ALKBH3: variants seen among roughly 807,000 people sequenced by gnomAD.
ALKBH3 encodes alpha-ketoglutarate-dependent dioxygenase alkB homolog 3.
A neutral mutation model predicts 43.9 loss-of-function variants in ALKBH3; 51 were observed. The observed-to-expected ratio is 1.16, with a 90% CI of 0.93 to 1.47. ALKBH3 has a LOEUF of 1.47. Among genes scored for constraint, ALKBH3 ranks in the 40% most tolerant of loss-of-function variants. The pLI is 0.00. For synonymous variants in ALKBH3, 102 were observed against 115.2 expected, an observed-to-expected ratio of 0.89 and a Z score of 0.73; for missense variants, 361 against 351.9, an observed-to-expected ratio of 1.03 and a Z score of -0.21.
chr11:43,889,113 C>T (rs1390786420), intron 5 of ALKBH3, among the ~76,000 whole-genome samples: 1 of 152,138 alleles, frequency 6.6e-6, no homozygotes, highest in East Asian at 1.9e-4. Context: ...ACTGCAACCT[C>T]CACCCCCGGG....
chr11:43,892,144 T>G lies in ALKBH3; in HGVS notation c.459+15T>G. 1 of 1,580,752 alleles carries G rather than the reference T, an allele frequency of 6.3e-7. No homozygotes were observed. Among genetic ancestry groups the G allele is most frequent in the Non-Finnish European group, 8.7e-7 (1 of 1,149,654 alleles). On this transcript the variant is annotated intron_variant, in intron 7 of 9. Coordinates refer to ENST00000302708, the MANE Select transcript of ALKBH3 (RefSeq NM_139178.4). ...CAAATCCTCACGTATGTCAACATATTGTCATTGGTATGGTTTTATAGACTA... is the reference window on the plus strand; with the variant it reads ...CAAATCCTCACGTATGTCAACATATGGTCATTGGTATGGTTTTATAGACTA...
At chr11:43,906,339 T>A (rs1951895908) in intron 8 of ALKBH3, among the ~76,000 whole-genome samples, 1 of 152,212 alleles carries the variant, frequency 6.6e-6, no homozygotes, top group South Asian at 2.1e-4. Context: ...AATACTGATA[T>A]TTTTTGTAAG....
intron 4 of ALKBH3, among the ~76,000 whole-genome samples, chr11:43,884,877 G>A (rs1441035660): frequency 1.3e-5 from 2 of 150,916 alleles, no homozygotes; most frequent in Non-Finnish European, 3.0e-5. Flanking sequence ...TCAGCCTCCC[G>A]AGTAGCTGGG....
At chr11:43,881,407 G>A (rs1293259589) in intron 1 of ALKBH3, 1 of 152,228 alleles carries the variant, frequency 6.6e-6, no homozygotes, top group Non-Finnish European at 1.5e-5. Context: ...ATTGTTCCCT[G>A]GCAAATAACA....
rs770864815 is a variant in ALKBH3 at position 43,889,756 on chromosome 11, A to G, written c.298A>G (p.Lys100Glu). The change falls in exon 6 of 10, where the codon AAA becomes GAA. Residue 100 changes from lysine to glutamate, a missense_variant. Physicochemically the swap from Lys to Glu is moderately conservative, Grantham distance 56. Coordinates refer to ENST00000302708, the MANE Select transcript of ALKBH3 (RefSeq NM_139178.4). ...VCLYPGFVDV[K>E]EADWILEQLC... is the part of the protein sequence containing the mutation. ...TTTGTATCCTGGCTTTGTTGACGTG[A>G]AAGAAGCTGACTGGATATTGGAACA... The G allele has an allele frequency of 1.9e-6, 3 of 1,614,108 alleles. No homozygotes were observed. In the East Asian group the frequency reaches 6.7e-5, roughly 36 times the overall value.
At position 43,882,697 on chromosome 11, in the gene ALKBH3, TG is replaced by T; in HGVS notation, c.46del (p.Ala16ProfsTer47). 1 of 1,613,626 alleles carries T rather than the reference TG, an allele frequency of 6.2e-7. No homozygotes were observed. Among genetic ancestry groups the T allele is most frequent in the Non-Finnish European group, 8.5e-7 (1 of 1,179,842 alleles). ...GAGCCCGAGTTCAGGGAGCCTGGGCTGCCCCTGTTAAAAGCCAGGCCATTGC... is the reference window on the plus strand; with the variant it reads ...GAGCCCGAGTTCAGGGAGCCTGGGCTCCCCTGTTAAAAGCCAGGCCATTGC... Reference protein sequence around the residue: ...RRARVQGAWAAPVKSQAIAQP... With the variant: ...RRARVQGAWAXPVKSQAIAQP... On this transcript the variant is annotated frameshift_variant, in exon 2 of 10. Coordinates refer to ENST00000302708, the MANE Select transcript of ALKBH3 (RefSeq NM_139178.4). LOFTEE classifies it high-confidence loss of function.
intron 5 of ALKBH3, among the ~76,000 whole-genome samples, chr11:43,887,727 T>A (rs1289726874): frequency 6.6e-6 from 1 of 152,236 alleles, no homozygotes; most frequent in East Asian, 1.9e-4. Context: ...ATATTACATA[T>A]TGTAGATTAT....
Position 43,881,063 on chromosome 11 carries a change from A to G in ALKBH3, c.-187A>G. On this transcript the variant is annotated 5_prime_UTR_variant, in exon 1 of 10. Transcript: ENST00000302708. ...AAAGAGAAGGATCTAAATTAGGAAA[A>G]GGAAGTGCCCTTATCCACGACCAAG... 1 of 152,584 alleles carries G rather than the reference A, an allele frequency of 6.6e-6. No individual in the cohort carries two copies. 9.5% of individuals were successfully genotyped at this position (152,584 alleles called of 1,614,324 possible).
intron 5 of ALKBH3, 140 bp from the exon 6 acceptor site, chr11:43,889,577 GTTAGGCTC>G: frequency 1.6e-6 from 1 of 625,092 alleles, no homozygotes; most frequent in South Asian, 1.9e-5. Flanking sequence ...CCTGGGTGAT[GTTAGGCTC>G]TGCTTGCTGT....
intron 7 of ALKBH3, among the ~76,000 whole-genome samples, chr11:43,894,293 A>C (rs190218151): frequency 8.5e-5 from 13 of 152,276 alleles, no homozygotes; most frequent in Admixed American, 7.2e-4. Flanking sequence ...CTAGAACTCT[A>C]TACAACACTG....
intron 6 of ALKBH3, 94 bp downstream of exon 6, chr11:43,889,922 T>C: frequency 1.8e-6 from 2 of 1,090,766 alleles, no homozygotes; most frequent in Non-Finnish European, 2.7e-6. Context: ...AAAGCTAGTC[T>C]TAAACAGAAA....
intron 2 of ALKBH3, 158 bp from the exon 3 acceptor site, chr11:43,882,927 A>T: frequency 3.7e-6 from 3 of 806,068 alleles, no homozygotes; most frequent in Non-Finnish European, 3.9e-6. Context: ...TATTTAGTCC[A>T]CACCCTCAAA....
chr11:43,896,754 A>G (rs1951821885), intron 7 of ALKBH3, among the ~76,000 whole-genome samples: 1 of 152,072 alleles, frequency 6.6e-6, no homozygotes, highest in Admixed American at 6.6e-5. Flanking sequence ...CAGTGGTAAT[A>G]TTGTTGGATG....
At chr11:43,902,580 C>T (rs1427677787) in intron 8 of ALKBH3, among the ~76,000 whole-genome samples, 1 of 152,140 alleles carries the variant, frequency 6.6e-6, no homozygotes, top group Admixed American at 6.6e-5. Context: ...GGAAGGCCAA[C>T]CAACAGGCTG....
intron 8 of ALKBH3, among the ~76,000 whole-genome samples, chr11:43,908,989 G>T (rs1951916788): frequency 6.6e-6 from 1 of 152,152 alleles, no homozygotes; most frequent in African/African-American, 2.4e-5. Context: ...ATGATTGATT[G>T]CACCAGTCCT....
At position 43,919,133 on chromosome 11, in the gene ALKBH3, GC is replaced by G. The variant is rs770079023; in HGVS notation, c.766del (p.Gln256SerfsTer15). 3 of 1,610,874 alleles carry G rather than the reference GC, an allele frequency of 1.9e-6. No homozygotes were observed. The highest frequency in any genetic ancestry group is 2.5e-6 in the Non-Finnish European group (3 of 1,177,242). The stretch of plus-strand genomic sequence containing the variant: ...TGGAAGGAGCGACACAAGCTGACTG[GC>G]AGGTGAGGATCTGCAAGTAATATGA... ...IMEGATQADW[Q>X]HRVPKEYHSR... On this transcript the variant is annotated frameshift_variant and splice_region_variant, in exon 9 of 10. Transcript: ENST00000302708. LOFTEE classifies it high-confidence loss of function.
chr11:43,902,483 A>G (rs557501382), intron 8 of ALKBH3, among the ~76,000 whole-genome samples: 3 of 152,344 alleles, frequency 2.0e-5, no homozygotes, highest in African/African-American at 7.2e-5. Flanking sequence ...AAAAGAGCCA[A>G]TTATTTTATT....
At position 43,902,964 on chromosome 11, in the gene ALKBH3, A is replaced by T. The variant is rs1352030057; in HGVS notation, c.669+1239A>T. 7.2e-5 allele frequency among the ~76,000 whole-genome samples: 11 copies of T among 152,340 alleles called. No homozygotes were observed. In the East Asian group the frequency reaches 2.1e-3, roughly 29 times the overall value. On this transcript the variant is annotated intron_variant, in intron 8 of 9. Transcript: ENST00000302708. ...TTAGTTCTTGTGTCAGTTCTTCGTC[A>T]GATATACTTCCATAAGAATACAGTT...
chr11:43,896,491 T>C (rs1951820185), intron 7 of ALKBH3, among the ~76,000 whole-genome samples: 1 of 152,082 alleles, frequency 6.6e-6, no homozygotes, highest in African/African-American at 2.4e-5. Context: ...TAGACAAGTC[T>C]CTCCTTTTCA....
Sources: gnomAD v4.1 joint callset for allele counts (sites outside exome capture counted in the v4.1 genomes callset) on GRCh38, gnomAD v4.1.1 for gene constraint, MANE v1.5 for transcripts, NCBI Gene and HGNC (gene_info 2026-07-23, HGNC 2026-07-21) for gene names.